NMBR: variants seen among roughly 807,000 people sequenced by gnomAD.
NMBR encodes neuromedin B receptor, also known as neuromedin-B receptor.
NMBR carries 16 observed loss-of-function variants against 20.5 expected under a neutral mutation model. The ratio of observed to expected loss-of-function variants is 0.78; its 90% CI spans 0.53 to 1.19. NMBR has a LOEUF of 1.19. Among genes scored for constraint, NMBR ranks in the 50% most tolerant of loss-of-function variants. The pLI is 0.00. For synonymous variants in NMBR, 212 were observed against 196.6 expected (o/e 1.08, Z -0.65); for missense variants, 582 against 499.1 (o/e 1.17, Z -1.58).
chr6:142,097,961 T>A (rs1007088487), intron 1 of NMBR, among the ~76,000 whole-genome samples: 1 of 151,992 alleles, frequency 6.6e-6, no homozygotes, highest in Non-Finnish European at 1.5e-5. Flanking sequence ...GGTAAGGTAA[T>A]TTCTCAATGT....
rs1777258151 is a variant in NMBR at position 142,088,771 on chromosome 6, T to G, written c.-113A>C. 3 of 978,444 alleles carry G rather than the reference T, an allele frequency of 3.1e-6. No individual in the cohort carries two copies. Among genetic ancestry groups the G allele is most frequent in the Non-Finnish European group, 4.4e-6 (3 of 675,016 alleles). The allele number at this position is 978,444 out of a possible 1,614,324, so 60.6% of individuals were successfully genotyped here. On this transcript the variant is annotated 5_prime_UTR_variant, in exon 2 of 4. Coordinates refer to ENST00000258042, the MANE Select transcript of NMBR (RefSeq NM_002511.4). ...TCCCTCCCTCTCGCCCCTGCAAGTT[T>G]ACTGTCCGCGGGGCAAGCCTCACAG...
intron 1 of NMBR, among the ~76,000 whole-genome samples, chr6:142,098,674 A>C (rs1053625012): frequency 4.6e-5 from 7 of 152,194 alleles, no homozygotes; most frequent in African/African-American, 1.4e-4. Context: ...GGAGAACTAA[A>C]TAAATAAAAA....
chr6:142,146,307 G>A (rs1166835665), intron 1 of NMBR, among the ~76,000 whole-genome samples: 1 of 152,172 alleles, frequency 6.6e-6, no homozygotes, highest in Non-Finnish European at 1.5e-5. Context: ...GGAGATTTTG[G>A]CTCTTGGGGA....
At chr6:142,128,430 T>A (rs1778078505) in intron 1 of NMBR, among the ~76,000 whole-genome samples, 2 of 152,132 alleles carry the variant, frequency 1.3e-5, no homozygotes, top group Non-Finnish European at 2.9e-5. Context: ...AATGTGGGCA[T>A]CCTTACTTTG....
chr6:142,114,351 G>A (rs1582853217), intron 1 of NMBR, among the ~76,000 whole-genome samples: 1 of 151,632 alleles, frequency 6.6e-6, no homozygotes, highest in South Asian at 2.1e-4. Context: ...CATTTTTGTG[G>A]TTGGTAATCT....
In NMBR at chr6:142,075,677, G is replaced by T. The variant is rs775927208; in HGVS notation, c.1144C>A (p.His382Asn). 3 of 1,612,672 alleles carry T rather than the reference G, an allele frequency of 1.9e-6. No homozygotes were observed. The highest frequency in any genetic ancestry group is 3.3e-5 in the Admixed American group (2 of 59,894). The change falls in exon 4 of 4, where the codon CAC becomes AAC. Residue 382 changes from histidine (H) to asparagine (N), a missense_variant. Coordinates refer to ENST00000258042, the MANE Select transcript of NMBR (RefSeq NM_002511.4). ...MVTNSVLLNGHSMKQEMAL is the reference protein window; with the variant it reads ...MVTNSVLLNGNSMKQEMAL ...AGTGCCATTTCCTGCTTCATGCTGT[G>T]CCCATTTAGTAAAACAGAATTGGTC...
rs555866491 is a variant in NMBR at position 142,094,410 on chromosome 6, C to A, written c.-663-5089G>T. ...CAGCACCATTTATTAAATAGGGAATCCTTTCCCCATTTCTTGTTTTTGTCA... is the reference window on the plus strand; with the variant it reads ...CAGCACCATTTATTAAATAGGGAATACTTTCCCCATTTCTTGTTTTTGTCA... On this transcript the variant is annotated intron_variant, in intron 1 of 3. Transcript: ENST00000258042. Among the ~76,000 whole-genome samples the A allele has an allele frequency of 2.6e-5, 4 of 152,278 alleles. No homozygotes were observed. In the East Asian group the frequency reaches 7.7e-4, roughly 29 times the overall value.
chr6:142,133,869 T>C lies in NMBR; in HGVS notation c.-664+13175A>G. 1.1e-5 allele frequency: 8 copies of C among 697,334 alleles called. 1 individual carries two copies. The highest frequency in any genetic ancestry group is 3.5e-5 in the African/African-American group (2 of 57,240). 43.2% of individuals were successfully genotyped at this position (697,334 alleles called of 1,614,324 possible). Reference sequence around the variant, plus strand: ...TAACAGGTTAAACCTCCAACTGTGATTGGTCAATTCCACACCCTTTTCTTT... The same window carrying C: ...TAACAGGTTAAACCTCCAACTGTGACTGGTCAATTCCACACCCTTTTCTTT... On this transcript the variant is annotated intron_variant, in intron 1 of 3. Coordinates refer to ENST00000258042, the MANE Select transcript of NMBR (RefSeq NM_002511.4).
chr6:142,132,279 G>A (rs1328140448), intron 1 of NMBR, among the ~76,000 whole-genome samples: 1 of 152,158 alleles, frequency 6.6e-6, no homozygotes, highest in Non-Finnish European at 1.5e-5. Context: ...GACATTATAG[G>A]TGGATGGAAG....
chr6:142,137,781 A>T (rs556355809), intron 1 of NMBR, among the ~76,000 whole-genome samples: 15 of 152,130 alleles, frequency 9.9e-5, no homozygotes, highest in African/African-American at 3.6e-4. Flanking sequence ...GGTTCTGTTT[A>T]TATGCTGGAT....
intron 1 of NMBR, among the ~76,000 whole-genome samples, chr6:142,144,984 T>G (rs925534891): frequency 1.2e-4 from 16 of 130,752 alleles, no homozygotes; most frequent in Admixed American, 4.6e-4. Context: ...GATAGTGTGC[T>G]GCACTCCAGC....
chr6:142,132,190 G>T (rs767245340), intron 1 of NMBR, among the ~76,000 whole-genome samples: 19 of 152,162 alleles, frequency 1.2e-4, no homozygotes, highest in Non-Finnish European at 2.5e-4. Flanking sequence ...ACATTGTCTG[G>T]AGTTACAATC....
At chr6:142,129,404 T>A (rs1489994774) in intron 1 of NMBR, among the ~76,000 whole-genome samples, 1 of 152,072 alleles carries the variant, frequency 6.6e-6, no homozygotes, top group African/African-American at 2.4e-5. Flanking sequence ...AAATGTATCC[T>A]GGTCATTTTA....
At chr6:142,137,050 A>C (rs571754166) in intron 1 of NMBR, among the ~76,000 whole-genome samples, 9 of 152,102 alleles carry the variant, frequency 5.9e-5, no homozygotes, top group Admixed American at 2.0e-4. Context: ...TTGGTAGCTT[A>C]ATGGGGATGG....
At position 142,126,265 on chromosome 6, in the gene NMBR, G is replaced by C. The variant is rs373469217; in HGVS notation, c.-664+20779C>G. 2.0e-3 allele frequency among the ~76,000 whole-genome samples: 201 copies of C among 99,414 alleles called. 1 individual carries two copies. The Middle Eastern group carries it at 0.032, about 16-fold the overall frequency. The allele number at this position is 99,414 out of a possible 152,430, so 65.2% of individuals were successfully genotyped here. A position where few individuals can be genotyped will look rare whatever the true frequency, so the allele number is the denominator to read the frequency against. ...TAACAATATTCCTCTCTCTCTCTGT[G>C]TGTGTGTGTGTGTGTGTGTGAGATT... On this transcript the variant is annotated intron_variant, in intron 1 of 3. Transcript: ENST00000258042.
chr6:142,081,852 A>G (rs1479657387), intron 2 of NMBR, among the ~76,000 whole-genome samples: 4 of 152,186 alleles, frequency 2.6e-5, no homozygotes, highest in African/African-American at 9.6e-5. Context: ...TGGTCTCAGG[A>G]GGATATCCCT....
chr6:142,123,124 C>T (rs1186540962), intron 1 of NMBR, among the ~76,000 whole-genome samples: 3 of 151,816 alleles, frequency 2.0e-5, no homozygotes, highest in Non-Finnish European at 4.4e-5. Context: ...ATTTGTGATT[C>T]ATAGAAGGAG....
At chr6:142,103,641 A>T (rs1435507498) in intron 1 of NMBR, among the ~76,000 whole-genome samples, 1 of 152,158 alleles carries the variant, frequency 6.6e-6, no homozygotes, top group East Asian at 1.9e-4. Context: ...TACATTTTTT[A>T]AAATACCAGT....
At chr6:142,095,692 T>C (rs1261378638) in intron 1 of NMBR, among the ~76,000 whole-genome samples, 3 of 152,224 alleles carry the variant, frequency 2.0e-5, no homozygotes, top group Non-Finnish European at 4.4e-5. Flanking sequence ...GGATTCCCTC[T>C]TTTTCTATTG....
Sources: gnomAD v4.1 joint callset for allele counts (sites outside exome capture counted in the v4.1 genomes callset) on GRCh38, gnomAD v4.1.1 for gene constraint, MANE v1.5 for transcripts, NCBI Gene and HGNC (gene_info 2026-07-23, HGNC 2026-07-21) for gene names.